Variants in RARB observed in about 807,000 individuals in gnomAD.
RARB encodes HBV-activated protein.
Under a neutral mutation model 51.9 loss-of-function variants are expected in RARB, and 17 were observed. The ratio of observed to expected loss-of-function variants is 0.33; its 90% CI spans 0.22 to 0.49. The LOEUF is 0.49. Among genes scored for constraint, RARB ranks in the 20% least tolerant of loss-of-function variants. The pLI is 0.99. For missense variants in RARB, 369 were observed against 550.8 expected, an observed-to-expected ratio of 0.67 and a Z score of 3.30; for synonymous variants, 215 against 195.4, an observed-to-expected ratio of 1.10 and a Z score of -0.84.
intron 5 of RARB, among the ~76,000 whole-genome samples, chr3:25,358,690 G>A (rs112991350): frequency 6.6e-6 from 1 of 152,072 alleles, no homozygotes; most frequent in Non-Finnish European, 1.5e-5. Flanking sequence ...TAGCATGAAG[G>A]GTTGTTGAAT....
At chr3:25,018,742 C>T (rs1697567283) in intron 2 of RARB, among the ~76,000 whole-genome samples, 2 of 152,144 alleles carry the variant, frequency 1.3e-5, no homozygotes, top group African/African-American at 4.8e-5. Context: ...GGCAACTATC[C>T]TTCTCAGGCT....
At chr3:25,382,838 A>G (rs1706670409) in intron 5 of RARB, among the ~76,000 whole-genome samples, 1 of 152,144 alleles carries the variant, frequency 6.6e-6, no homozygotes, top group Non-Finnish European at 1.5e-5. Context: ...AGCCTGGGTG[A>G]CAGACCAAGA....
At chr3:25,096,670 G>A (rs2125319271) in intron 3 of RARB, among the ~76,000 whole-genome samples, 1 of 151,736 alleles carries the variant, frequency 6.6e-6, no homozygotes, top group South Asian at 2.1e-4. Flanking sequence ...GTGGAGAAGA[G>A]GGCAGCTTAG....
intron 5 of RARB, among the ~76,000 whole-genome samples, chr3:25,367,828 C>CAAAAAAAAAAAA (rs1559374236): frequency 6.0e-4 from 83 of 139,464 alleles, no homozygotes; most frequent in East Asian, 1.8e-3. Flanking sequence ...AAAAAAAAAA[C>CAAAAAAAAAAAA]AAAAACAAAA....
At chr3:24,900,953 T>C (rs562988280) in intron 2 of RARB, among the ~76,000 whole-genome samples, 3 of 152,340 alleles carry the variant, frequency 2.0e-5, no homozygotes, top group African/African-American at 7.2e-5. Flanking sequence ...ATTGATCCAA[T>C]ATTGGAAGAC....
At chr3:25,275,820 T>C (rs1217573613) in intron 5 of RARB, among the ~76,000 whole-genome samples, 2 of 152,156 alleles carry the variant, frequency 1.3e-5, no homozygotes, top group African/African-American at 4.8e-5. Context: ...ATATACCTAA[T>C]GTAAATGACA....
intron 2 of RARB, among the ~76,000 whole-genome samples, chr3:25,464,630 A>T (rs1260050224): frequency 6.6e-6 from 1 of 152,166 alleles, no homozygotes; most frequent in Non-Finnish European, 1.5e-5. Flanking sequence ...GGTAAAATAC[A>T]ACAGCCAAAG....
At chr3:25,524,849 C>T (rs1016353593) in intron 3 of RARB, among the ~76,000 whole-genome samples, 2 of 152,064 alleles carry the variant, frequency 1.3e-5, no homozygotes, top group South Asian at 2.1e-4. Context: ...CCTGCCTCAG[C>T]CTCCTGAGTA....
intron 2 of RARB, among the ~76,000 whole-genome samples, chr3:25,006,348 C>G (rs189294825): frequency 6.6e-6 from 1 of 152,074 alleles, no homozygotes; most frequent in Non-Finnish European, 1.5e-5. Flanking sequence ...TAAAAAATTG[C>G]AATATGATTC....
chr3:24,913,184 C>T (rs1309764209), intron 2 of RARB, among the ~76,000 whole-genome samples: 7 of 151,672 alleles, frequency 4.6e-5, no homozygotes, highest in Non-Finnish European at 2.9e-5. Flanking sequence ...CGGGGTTTCA[C>T]TGTGTTAGCC....
chr3:25,105,393 AAGTGACAGCTGTTT>A, intron 3 of RARB, among the ~76,000 whole-genome samples: 1 of 151,622 alleles, frequency 6.6e-6, no homozygotes, highest in South Asian at 2.1e-4. Flanking sequence ...GTATAAAAAG[AAGTGACAGCTGTTT>A]AGTGTATACA....
At chr3:25,018,396 C>T (rs751630302) in intron 2 of RARB, among the ~76,000 whole-genome samples, 1 of 152,088 alleles carries the variant, frequency 6.6e-6, no homozygotes, top group Non-Finnish European at 1.5e-5. Context: ...TTATCATAGG[C>T]TGGAATCAAA....
rs570636547 is a variant in RARB, at chr3:24,852,022, G to A, written c.-458-6652G>A. On this transcript the variant is annotated intron_variant, in intron 1 of 11. Coordinates refer to the RARB transcript ENST00000383772. Reference sequence around the variant, plus strand: ...TTGCATAAATAACTCTTGCATTTACGTTTTGTGGCATTGAATTCAGATTTT... The same window carrying A: ...TTGCATAAATAACTCTTGCATTTACATTTTGTGGCATTGAATTCAGATTTT... 5.3e-5 allele frequency among the ~76,000 whole-genome samples: 8 copies of A among 152,226 alleles called. No homozygotes were observed. The East Asian group carries it at 7.7e-4, about 15-fold the overall frequency.
intron 5 of RARB, among the ~76,000 whole-genome samples, chr3:25,228,677 A>G (rs1327972329): frequency 6.6e-6 from 1 of 152,112 alleles, no homozygotes; most frequent in African/African-American, 2.4e-5. Flanking sequence ...CATGGTAACC[A>G]TGTGCAGGTG....
At chr3:25,006,491 C>G (rs556751633) in intron 2 of RARB, among the ~76,000 whole-genome samples, 43 of 152,248 alleles carry the variant, frequency 2.8e-4, no homozygotes, top group Admixed American at 4.6e-4. Flanking sequence ...ATTTAAAGTA[C>G]TTTTTTGGCA....
chr3:25,386,857 G>A (rs1387849894), intron 5 of RARB, among the ~76,000 whole-genome samples: 1 of 152,164 alleles, frequency 6.6e-6, no homozygotes, highest in East Asian at 1.9e-4. Flanking sequence ...TAGGTGCTGT[G>A]TTCACCCAGA....
chr3:25,044,207 T>C (rs1211936436), intron 2 of RARB, among the ~76,000 whole-genome samples: 1 of 152,202 alleles, frequency 6.6e-6, no homozygotes, highest in Non-Finnish European at 1.5e-5. Context: ...ACATTTTCCT[T>C]TCTCACCTTC....
chr3:25,123,571 C>A (rs1479225130), intron 3 of RARB, among the ~76,000 whole-genome samples: 2 of 152,208 alleles, frequency 1.3e-5, no homozygotes, highest in African/African-American at 4.8e-5. Flanking sequence ...ATCACCTTTT[C>A]TAATCATATA....
chr3:24,991,408 A>G (rs1391718353), intron 2 of RARB, among the ~76,000 whole-genome samples: 1 of 151,304 alleles, frequency 6.6e-6, no homozygotes, highest in Non-Finnish European at 1.5e-5. Flanking sequence ...ACTCCATTGC[A>G]TTCCAGCCTG....
Sources: allele counts gnomAD v4.1 joint callset (sites outside exome capture counted in the v4.1 genomes callset), GRCh38; gene constraint gnomAD v4.1.1; transcripts MANE v1.5; gene names NCBI Gene and HGNC (gene_info 2026-07-23, HGNC 2026-07-21).